The following SNTG1 variants were observed in gnomAD, a reference collection of about 807,000 sequenced individuals.
SNTG1 encodes syntrophin gamma 1.
Under a neutral mutation model 74.7 loss-of-function variants are expected in SNTG1, and 39 were observed. The ratio of observed to expected loss-of-function variants is 0.52; its 90% confidence interval spans 0.40 to 0.68. The LOEUF is 0.68. Among genes scored for constraint, SNTG1 ranks in the 30% least tolerant of loss-of-function variants. SNTG1 has a pLI of 0.00. For synonymous variants in SNTG1, 254 were observed against 217.1 expected (o/e 1.17, Z -1.49); for missense variants, 685 against 609.5 (o/e 1.12, Z -1.30).
At chr8:50,338,910 G>A (rs2091235977) in intron 2 of SNTG1, among the ~76,000 whole-genome samples, 1 of 151,956 alleles carries the variant, frequency 6.6e-6, no homozygotes. Context: ...CTAATGACAG[G>A]TACCAAACTT....
chr8:49,961,481 C>T (rs1431923122), intron 1 of SNTG1, among the ~76,000 whole-genome samples: 1 of 152,136 alleles, frequency 6.6e-6, no homozygotes, highest in African/African-American at 2.4e-5. Context: ...GCATCCTGAC[C>T]CACATTCTTC....
chr8:50,514,498 A>T (rs2130017595), intron 9 of SNTG1, among the ~76,000 whole-genome samples: 1 of 152,224 alleles, frequency 6.6e-6, no homozygotes, highest in Admixed American at 6.5e-5. Context: ...TTGGTTTTTC[A>T]AAACTTCATT....
chr8:50,424,966 T>G (rs931816272), intron 4 of SNTG1, among the ~76,000 whole-genome samples: 11 of 152,140 alleles, frequency 7.2e-5, no homozygotes, highest in Non-Finnish European at 1.5e-4. Context: ...TATTTACAGG[T>G]GAAACTGGAA....
intron 1 of SNTG1, among the ~76,000 whole-genome samples, chr8:50,121,457 A>C (rs549044695): frequency 7.0e-6 from 1 of 142,310 alleles, no homozygotes; most frequent in East Asian, 2.0e-4. Context: ...ATGTACAAAA[A>C]TAAAAATAAT....
At chr8:50,023,503 A>G (rs537017122) in intron 1 of SNTG1, among the ~76,000 whole-genome samples, 1 of 152,304 alleles carries the variant, frequency 6.6e-6, no homozygotes, top group East Asian at 1.9e-4. Context: ...GGCGATCAGT[A>G]TGAGGTTCAG....
At chr8:50,751,624 G>A (rs886212502) in intron 17 of SNTG1, among the ~76,000 whole-genome samples, 11 of 152,054 alleles carry the variant, frequency 7.2e-5, no homozygotes, top group Admixed American at 1.3e-4. Flanking sequence ...TTAATAAAGC[G>A]AAGGTTATTA....
intron 1 of SNTG1, among the ~76,000 whole-genome samples, chr8:50,133,771 C>T (rs938534686): frequency 1.3e-5 from 2 of 152,156 alleles, no homozygotes; most frequent in Non-Finnish European, 2.9e-5. Context: ...TCAGGGCCCA[C>T]CCTACTCCAG....
chr8:49,935,869 C>A (rs1358069424), intron 1 of SNTG1, among the ~76,000 whole-genome samples: 1 of 152,176 alleles, frequency 6.6e-6, no homozygotes, highest in Non-Finnish European at 1.5e-5. Context: ...CTTCATCTTC[C>A]CTATTGGACT....
chr8:50,551,608 T>C (rs1257332494), intron 11 of SNTG1, among the ~76,000 whole-genome samples: 1 of 152,238 alleles, frequency 6.6e-6, no homozygotes, highest in Non-Finnish European at 1.5e-5. Context: ...TTAAACATCA[T>C]ACTTGCCATT....
intron 1 of SNTG1, among the ~76,000 whole-genome samples, chr8:50,084,316 C>A (rs968252585): frequency 6.6e-6 from 1 of 152,006 alleles, no homozygotes; most frequent in African/African-American, 2.4e-5. Context: ...CAAAGATTAG[C>A]CTGGCATGGT....
chr8:50,430,222 T>A (rs540230291), intron 4 of SNTG1, among the ~76,000 whole-genome samples: 1 of 152,288 alleles, frequency 6.6e-6, no homozygotes, highest in South Asian at 2.1e-4. Flanking sequence ...TTTAAATGGG[T>A]TAATTTCATG....
At chr8:49,948,874 G>A (rs1585623360) in intron 1 of SNTG1, among the ~76,000 whole-genome samples, 1 of 152,164 alleles carries the variant, frequency 6.6e-6, no homozygotes, top group African/African-American at 2.4e-5. Flanking sequence ...GAGCCCCCGG[G>A]CTCACGGCAT....
intron 15 of SNTG1, among the ~76,000 whole-genome samples, chr8:50,689,787 C>G (rs968174221): frequency 6.6e-5 from 10 of 152,190 alleles, no homozygotes; most frequent in South Asian, 2.1e-4. Flanking sequence ...AGGATTCCCT[C>G]TTTTTCTATT....
chr8:50,175,990 C>T (rs1049010833), intron 2 of SNTG1, among the ~76,000 whole-genome samples: 2 of 152,182 alleles, frequency 1.3e-5, no homozygotes, highest in African/African-American at 4.8e-5. Flanking sequence ...TCAGCTGTCA[C>T]AACTGGGTAC....
chr8:50,182,532 A>G (rs922968258), intron 2 of SNTG1, among the ~76,000 whole-genome samples: 6 of 152,200 alleles, frequency 3.9e-5, no homozygotes, highest in Admixed American at 6.5e-5. Flanking sequence ...TTTTATGTTT[A>G]TGAGTACAGA....
intron 18 of SNTG1, among the ~76,000 whole-genome samples, chr8:50,756,213 T>C (rs573985199): frequency 1.3e-5 from 2 of 151,854 alleles, no homozygotes; most frequent in Non-Finnish European, 2.9e-5. Context: ...GTCTTTTTGC[T>C]CTCTTGAGAA....
chr8:50,723,515 G>A (rs1179118066), intron 17 of SNTG1, among the ~76,000 whole-genome samples: 3 of 152,108 alleles, frequency 2.0e-5, no homozygotes, highest in Non-Finnish European at 2.9e-5. Flanking sequence ...ATAAGCTCTC[G>A]TTTTAGTATA....
rs748153246 is a variant in SNTG1, at chr8:50,266,646, ATGTGTG to A, written c.-28+94045_-28+94050del. On this transcript the variant is annotated intron_variant, in intron 2 of 18. Transcript: ENST00000642720. ...CAACAGAAGTGAAAGACACAGAATT[ATGTGTG>A]TGTGTGTGTGTGTGTGTGTGTGTGT... 8.0e-3 allele frequency among the ~76,000 whole-genome samples: 561 copies of A among 69,714 alleles called. 3 individuals carry two copies. The highest frequency in any genetic ancestry group is 0.04 in the East Asian group (44 of 1,088). The allele number at this position is 69,714 out of a possible 152,430, so 45.7% of individuals were successfully genotyped here. A position where few individuals can be genotyped will look rare whatever the true frequency, so the allele number is the denominator to read the frequency against.
At chr8:50,307,244 A>G (rs1313166404) in intron 2 of SNTG1, among the ~76,000 whole-genome samples, 1 of 152,032 alleles carries the variant, frequency 6.6e-6, no homozygotes, top group Non-Finnish European at 1.5e-5. Flanking sequence ...TATGCAGGAG[A>G]CTAATGGGTC....
Sources: allele counts gnomAD v4.1 joint callset (sites outside exome capture counted in the v4.1 genomes callset), GRCh38; gene constraint gnomAD v4.1.1; transcripts MANE v1.5; gene names NCBI Gene and HGNC (gene_info 2026-07-23, HGNC 2026-07-21).